The following AEBP2 variants were observed in gnomAD, a reference collection of about 807,000 sequenced individuals.
AEBP2 encodes zinc finger protein AEBP2.
A neutral mutation model predicts 50.8 loss-of-function variants in AEBP2; 10 were observed. That is an observed-to-expected ratio of 0.20 (90% CI 0.12 to 0.33). The LOEUF (loss-of-function observed/expected upper bound fraction) is 0.33, where lower values mean the gene tolerates loss of function less well. Ranked by LOEUF, AEBP2 falls within the 10% of genes least tolerant of loss-of-function variation. The probability of loss-of-function intolerance (pLI) is 1.00; values close to 1 mark genes in which losing one functional copy is unlikely to be tolerated. For missense variants in AEBP2, 570 were observed against 688.0 expected (o/e 0.83, Z 1.92); for synonymous variants, 296 against 261.3 (o/e 1.13, Z -1.28).
At chr12:19,434,829 CAG>C (rs2095753358), upstream of AEBP2, among the ~76,000 whole-genome samples, 2 of 152,192 alleles carry the variant, frequency 1.3e-5, no homozygotes, top group African/African-American at 2.4e-5. Flanking sequence ...AAGAGGAAGA[CAG>C]GGAAACTCTC....
intron 4 of AEBP2, among the ~76,000 whole-genome samples, chr12:19,496,240 A>G (rs1026222869): frequency 1.3e-5 from 2 of 152,132 alleles, no homozygotes; most frequent in Non-Finnish European, 2.9e-5. Context: ...CGGCTTAAGT[A>G]TATGTTTCTT....
intron 1 of AEBP2, among the ~76,000 whole-genome samples, chr12:19,449,378 G>T (rs1948127662): frequency 6.6e-6 from 1 of 152,144 alleles, no homozygotes; most frequent in South Asian, 2.1e-4. Flanking sequence ...TCTAGTGTTT[G>T]TGAAGATATC....
At chr12:19,492,648 C>T (rs1592765194) in intron 3 of AEBP2, among the ~76,000 whole-genome samples, 2 of 151,978 alleles carry the variant, frequency 1.3e-5, no homozygotes, top group Admixed American at 1.3e-4. Flanking sequence ...TATGGGTTTT[C>T]ATTTGAAGTT....
intron 1 of AEBP2, among the ~76,000 whole-genome samples, chr12:19,452,881 A>G (rs1948188063): frequency 1.3e-5 from 2 of 151,406 alleles, no homozygotes; most frequent in Admixed American, 6.6e-5. Context: ...ATATGATTAG[A>G]TTAGGATTTC....
At chr12:19,429,604 A>G (rs1006888237) in intron 1 of AEBP2, among the ~76,000 whole-genome samples, 10 of 152,216 alleles carry the variant, frequency 6.6e-5, no homozygotes, top group African/African-American at 2.2e-4. Context: ...ACAGTATAAA[A>G]GTGTTCCTAT....
rs754195220 is a variant in AEBP2, at chr12:19,501,797, G to GTTTTTTTTTTTTTTTTTTTTTTTTTTTT, written c.1299+1596_1299+1597insTTTTTTTTTTTTTTTTTTTTTTTTTTTT. 1.3e-3 allele frequency among the ~76,000 whole-genome samples: 89 copies of GTTTTTTTTTTTTTTTTTTTTTTTTTTTT among 70,908 alleles called. 1 individual carries two copies. The highest frequency in any genetic ancestry group is 2.0e-3 in the South Asian group (3 of 1,490). 46.5% of individuals were successfully genotyped at this position (70,908 alleles called of 152,430 possible). ...CGTCGTCTCCTATAAAAATGAGTTTGTTTTTTTTTTTTTTTTTTTTGCATT... is the reference window on the plus strand; with the variant it reads ...CGTCGTCTCCTATAAAAATGAGTTTGTTTTTTTTTTTTTTTTTTTTTTTTTTTTTTTTTTTTTTTTTTTTTTTTGCATT... On this transcript the variant is annotated intron_variant, in intron 5 of 7. Transcript: ENST00000266508.
intron 1 of AEBP2, among the ~76,000 whole-genome samples, chr12:19,430,134 A>G (rs898478150): frequency 3.3e-5 from 5 of 152,102 alleles, no homozygotes; most frequent in Non-Finnish European, 7.3e-5. Context: ...TCTTTAATCC[A>G]TCTTGAATTG....
rs1947927235 is a variant in AEBP2 at position 19,440,257 on chromosome 12, C to T, written c.558C>T (p.Asp186=). 1 of 1,467,498 alleles carries T rather than the reference C, an allele frequency of 6.8e-7. No individual in the cohort carries two copies. The highest frequency in any genetic ancestry group is 8.9e-7 in the Non-Finnish European group (1 of 1,120,502). 90.9% of individuals were successfully genotyped at this position (1,467,498 alleles called of 1,614,324 possible). ...GCAGCGTAGTCTCCAGCGGCGGCGA[C>T]GAGGGCTACGGGACTGGGGGAGGCG... ...SSSSVVSSGG[D]EGYGTGGGGS... Residue 186 remains aspartate, a synonymous_variant, in exon 1 of 8, where the codon GAC becomes GAT. Transcript: ENST00000266508.
intron 5 of AEBP2, among the ~76,000 whole-genome samples, chr12:19,501,300 C>T (rs890333425): frequency 2.0e-5 from 3 of 148,712 alleles, no homozygotes; most frequent in Non-Finnish European, 3.0e-5. Context: ...CACTGCACTC[C>T]GACCTAGGCA....
intron 5 of AEBP2, among the ~76,000 whole-genome samples, chr12:19,509,850 A>G (rs1949208716): frequency 2.3e-5 from 2 of 85,984 alleles, no homozygotes; most frequent in South Asian, 3.9e-4. Flanking sequence ...TTTTTTTGAG[A>G]TGGAGTCTCA....
intron 3 of AEBP2, among the ~76,000 whole-genome samples, chr12:19,477,413 G>A (rs752537760): frequency 1.3e-5 from 2 of 152,172 alleles, no homozygotes; most frequent in African/African-American, 4.8e-5. Flanking sequence ...ACTTTTCCCC[G>A]TTCAGTAGAA....
intron 5 of AEBP2, among the ~76,000 whole-genome samples, chr12:19,503,331 GTGTGTGTGTGTGTGTA>G (rs1331122976): frequency 7.2e-6 from 1 of 138,970 alleles, no homozygotes; most frequent in East Asian, 2.0e-4. Context: ...ATTCCTTGGT[GTGTGTGTGTGTGTGTA>G]TGTGTGTGTG....
intron 1 of AEBP2, among the ~76,000 whole-genome samples, chr12:19,420,029 T>TTC (rs1193318253): frequency 1.3e-5 from 2 of 150,058 alleles, no homozygotes; most frequent in Admixed American, 6.6e-5. Context: ...TAGTTTTTTT[T>TTC]TTTTTTTTTT....
rs1021531435 is a variant in AEBP2, at chr12:19,520,831, A to T, written c.*2714A>T. ...TGACATAAAAAATGCTCCAAAGTTC[A>T]AAACTTTCTGAGTGCTGACATCATG... On this transcript the variant is annotated 3_prime_UTR_variant, in exon 8 of 8. Coordinates refer to ENST00000266508, the MANE Select transcript of AEBP2 (RefSeq NM_153207.5). The T allele has an allele frequency of 6.6e-6, 1 of 152,200 alleles. No individual in the cohort carries two copies. The highest frequency in any genetic ancestry group is 1.5e-5 in the Non-Finnish European group (1 of 68,036). The allele number at this position is 152,200 out of a possible 1,614,324, so 9.4% of individuals were successfully genotyped here.
At chr12:19,491,604 G>C (rs544807835) in intron 3 of AEBP2, among the ~76,000 whole-genome samples, 1 of 152,144 alleles carries the variant, frequency 6.6e-6, no homozygotes, top group South Asian at 2.1e-4. Flanking sequence ...GCACCATAGA[G>C]TAAGTAAACA....
At chr12:19,516,052 T>A (rs1949312889) in intron 7 of AEBP2, among the ~76,000 whole-genome samples, 1 of 152,168 alleles carries the variant, frequency 6.6e-6, no homozygotes, top group African/African-American at 2.4e-5. Flanking sequence ...ACCACTGCAC[T>A]CCAGCCTGGC....
rs2120645462 is a variant in AEBP2 at position 19,518,125 on chromosome 12, A to G, written c.*8A>G. On this transcript the variant is annotated 3_prime_UTR_variant, in exon 8 of 8. Coordinates refer to ENST00000266508, the MANE Select transcript of AEBP2 (RefSeq NM_153207.5). ...AAGAGGTTGAAGAGGTAAAAAATAA[A>G]TAAATACATAAAAAGCAAACAAGCG... The G allele has an allele frequency of 1.3e-6, 2 of 1,594,114 alleles. No individual in the cohort carries two copies. The highest frequency in any genetic ancestry group is 1.7e-6 in the Non-Finnish European group (2 of 1,169,914).
At chr12:19,471,276 G>A (rs1948568893) in intron 2 of AEBP2, among the ~76,000 whole-genome samples, 1 of 151,708 alleles carries the variant, frequency 6.6e-6, no homozygotes, top group African/African-American at 2.4e-5. Context: ...GCACCACCAT[G>A]CCTGGTTAAT....
intron 2 of AEBP2, among the ~76,000 whole-genome samples, chr12:19,464,955 T>C (rs1948445153): frequency 6.6e-6 from 1 of 152,160 alleles, no homozygotes; most frequent in Non-Finnish European, 1.5e-5. Context: ...TGTACCTTAT[T>C]GATATTATAG....
Sources: gnomAD v4.1 joint callset for allele counts (sites outside exome capture counted in the v4.1 genomes callset) on GRCh38, gnomAD v4.1.1 for gene constraint, MANE v1.5 for transcripts, NCBI Gene and HGNC (gene_info 2026-07-23, HGNC 2026-07-21) for gene names.